The following NALF1 variants were observed in gnomAD, a reference collection of about 807,000 sequenced individuals.
NALF1 encodes the protein NALCN channel auxiliary factor 1.
In NALF1, 3 loss-of-function variants were observed where a neutral mutation model predicts 48.4. That is an observed-to-expected ratio of 0.06 (90% CI 0.03 to 0.16). The LOEUF (loss-of-function observed/expected upper bound fraction) is 0.16. Among genes scored for constraint, NALF1 ranks in the 10% least tolerant of loss-of-function variants. The pLI is 1.00. For synonymous variants in NALF1, 262 were observed against 245.7 expected, an observed-to-expected ratio of 1.07 and a Z score of -0.62; for missense variants, 526 against 571.5, an observed-to-expected ratio of 0.92 and a Z score of 0.81.
chr13:107,551,678 A>G (rs1877298575), intron 1 of NALF1, among the ~76,000 whole-genome samples: 1 of 152,144 alleles, frequency 6.6e-6, no homozygotes, highest in African/African-American at 2.4e-5. Flanking sequence ...TGGAGTTTCA[A>G]AATCATGAAA....
At chr13:107,498,938 AGT>A (rs1160496624) in intron 1 of NALF1, among the ~76,000 whole-genome samples, 3 of 152,198 alleles carry the variant, frequency 2.0e-5, no homozygotes, top group South Asian at 4.1e-4. Flanking sequence ...GTAGATAGGC[AGT>A]GATAAAATTT....
At chr13:107,272,238 C>T (rs548483329) in intron 1 of NALF1, among the ~76,000 whole-genome samples, 262 of 10,856 alleles carry the variant, frequency 0.024, 77 homozygotes, top group Admixed American at 0.062. Context: ...GACGGAGTCT[C>T]GCTCTGTCGC....
At chr13:107,248,341 TTCAGGTTAGAACCTA>T (rs1880627746) in intron 1 of NALF1, among the ~76,000 whole-genome samples, 1 of 152,028 alleles carries the variant, frequency 6.6e-6, no homozygotes, top group African/African-American at 2.4e-5. Flanking sequence ...AGGCATAGAA[TTCAGGTTAGAACCTA>T]TCATTCCTGC....
At chr13:107,260,096 G>T (rs1220809015) in intron 1 of NALF1, among the ~76,000 whole-genome samples, 2 of 152,184 alleles carry the variant, frequency 1.3e-5, no homozygotes, top group African/African-American at 4.8e-5. Context: ...TCTTTGTACT[G>T]CATCATATAC....
chr13:107,519,355 C>T (rs1008706978), intron 1 of NALF1, among the ~76,000 whole-genome samples: 6 of 100,574 alleles, frequency 6.0e-5, no homozygotes, highest in African/African-American at 1.5e-4. Context: ...TCAGAGGATC[C>T]GGGAGGAGGA....
chr13:107,528,545 C>T (rs188932674), intron 1 of NALF1, among the ~76,000 whole-genome samples: 2 of 152,166 alleles, frequency 1.3e-5, no homozygotes, highest in African/African-American at 4.8e-5. Flanking sequence ...CTAAAACAAG[C>T]CTCGAGGGGA....
At chr13:107,530,094 C>T (rs1310023681) in intron 1 of NALF1, among the ~76,000 whole-genome samples, 1 of 152,048 alleles carries the variant, frequency 6.6e-6, no homozygotes, top group South Asian at 2.1e-4. Context: ...TTAGCTCCAA[C>T]CCTCAAATCC....
intron 1 of NALF1, among the ~76,000 whole-genome samples, chr13:107,279,547 C>T (rs1881347840): frequency 1.3e-5 from 2 of 151,800 alleles, no homozygotes; most frequent in South Asian, 2.1e-4. Flanking sequence ...TGAGCCACCG[C>T]ACCCGGTGAT....
intron 1 of NALF1, among the ~76,000 whole-genome samples, chr13:107,837,885 T>A (rs1028279740): frequency 5.9e-5 from 9 of 151,902 alleles, no homozygotes; most frequent in Admixed American, 5.9e-4. Context: ...CATAACTGAC[T>A]TACAAGGGAT....
At chr13:107,782,085 G>C (rs539374300) in intron 1 of NALF1, among the ~76,000 whole-genome samples, 2 of 151,824 alleles carry the variant, frequency 1.3e-5, no homozygotes, top group African/African-American at 4.8e-5. Context: ...CTCTTTCCAC[G>C]GTCTCCCTCT....
At chr13:107,398,932 T>C (rs1883758152) in intron 1 of NALF1, among the ~76,000 whole-genome samples, 1 of 152,254 alleles carries the variant, frequency 6.6e-6, no homozygotes, top group East Asian at 1.9e-4. Context: ...ATTCAAAAGA[T>C]TATAAGGAGC....
intron 1 of NALF1, among the ~76,000 whole-genome samples, chr13:107,617,418 A>G (rs1007171805): frequency 1.3e-5 from 2 of 152,240 alleles, no homozygotes; most frequent in African/African-American, 4.8e-5. Context: ...TTTTGCATCA[A>G]TAAAGAAGAA....
At chr13:107,268,442 TC>T (rs1856818791) in intron 1 of NALF1, among the ~76,000 whole-genome samples, 1 of 152,000 alleles carries the variant, frequency 6.6e-6, no homozygotes, top group African/African-American at 2.4e-5. Flanking sequence ...ACACACATAC[TC>T]GAGGAGTACA....
intron 1 of NALF1, among the ~76,000 whole-genome samples, chr13:107,332,024 C>T (rs915785522): frequency 1.3e-5 from 2 of 151,950 alleles, no homozygotes; most frequent in Admixed American, 6.6e-5. Context: ...GAAATAATTG[C>T]CAGTAAATTT....
At chr13:107,836,754 C>G (rs555517260) in intron 1 of NALF1, among the ~76,000 whole-genome samples, 5 of 152,140 alleles carry the variant, frequency 3.3e-5, no homozygotes, top group Non-Finnish European at 7.4e-5. Context: ...TCAGGTGAGT[C>G]TCTCTAATTT....
intron 1 of NALF1, among the ~76,000 whole-genome samples, chr13:107,329,940 C>G (rs1882437451): frequency 6.6e-6 from 1 of 152,112 alleles, no homozygotes; most frequent in South Asian, 2.1e-4. Flanking sequence ...TTTCTGTCCT[C>G]CCTGCTTTCA....
chr13:107,192,730 G>A (rs746559363), intron 2 of NALF1, among the ~76,000 whole-genome samples: 1 of 152,162 alleles, frequency 6.6e-6, no homozygotes, highest in African/African-American at 2.4e-5. Flanking sequence ...CCATCAGCCT[G>A]ACTGAACCCC....
chr13:107,770,925 T>A (rs1481075593), intron 1 of NALF1, among the ~76,000 whole-genome samples: 1 of 152,230 alleles, frequency 6.6e-6, no homozygotes, highest in Non-Finnish European at 1.5e-5. Flanking sequence ...GCCTAAATAG[T>A]CTTTGGCCTT....
At chr13:107,696,194 G>A (rs1881697924) in intron 1 of NALF1, among the ~76,000 whole-genome samples, 1 of 152,172 alleles carries the variant, frequency 6.6e-6, no homozygotes, top group African/African-American at 2.4e-5. Flanking sequence ...ACTGCACCTG[G>A]CCTATAAATT....
Sources: gnomAD v4.1 joint callset for allele counts (sites outside exome capture counted in the v4.1 genomes callset) on GRCh38, gnomAD v4.1.1 for gene constraint, MANE v1.5 for transcripts, NCBI Gene and HGNC (gene_info 2026-07-23, HGNC 2026-07-21) for gene names.